The following SND1 variants were observed in gnomAD, a reference collection of about 807,000 sequenced individuals.
SND1 encodes staphylococcal nuclease domain-containing protein 1.
In SND1, 38 loss-of-function variants were observed where a neutral mutation model predicts 121.7. That is an observed-to-expected ratio of 0.31 (90% CI 0.24 to 0.41). SND1 has a LOEUF of 0.41. SND1 is among the 10% of genes least tolerant of loss of function. SND1 has a pLI of 1.00. For synonymous variants in SND1, 401 were observed against 447.4 expected, an observed-to-expected ratio of 0.90 and a Z score of 1.31; for missense variants, 868 against 1,184.6, an observed-to-expected ratio of 0.73 and a Z score of 3.92.
At chr7:127,768,876 G>A (rs986010981) in intron 10 of SND1, among the ~76,000 whole-genome samples, 1 of 152,168 alleles carries the variant, frequency 6.6e-6, no homozygotes, top group African/African-American at 2.4e-5. Flanking sequence ...ACAGTTTATA[G>A]TCAAGTCCTT....
intron 10 of SND1, among the ~76,000 whole-genome samples, chr7:127,791,414 A>G (rs923749065): frequency 2.0e-5 from 3 of 152,110 alleles, no homozygotes; most frequent in Non-Finnish European, 4.4e-5. Context: ...TGGCTGCCCA[A>G]ACTGCTGGGA....
intron 10 of SND1, among the ~76,000 whole-genome samples, chr7:127,787,437 A>G (rs1488094306): frequency 6.6e-6 from 1 of 152,094 alleles, no homozygotes; most frequent in African/African-American, 2.4e-5. Flanking sequence ...AGGTCTCACT[A>G]TGTTGCCCAG....
intron 11 of SND1, among the ~76,000 whole-genome samples, chr7:127,825,748 A>AT (rs1283920477): frequency 8.5e-5 from 13 of 152,184 alleles, no homozygotes; most frequent in Middle Eastern, 3.4e-3. Flanking sequence ...TCTCTTCTGT[A>AT]TTTTTTTCTG....
intron 10 of SND1, among the ~76,000 whole-genome samples, chr7:127,788,903 G>GGA (rs1489973672): frequency 6.6e-6 from 1 of 152,148 alleles, no homozygotes; most frequent in Non-Finnish European, 1.5e-5. Flanking sequence ...AAGCATATCT[G>GGA]ACCTTTTCAA....
At chr7:127,682,594 C>G (rs1226589075) in intron 1 of SND1, among the ~76,000 whole-genome samples, 1 of 152,184 alleles carries the variant, frequency 6.6e-6, no homozygotes. Flanking sequence ...TTACTGCATC[C>G]ATGAAAGTTT....
intron 10 of SND1, among the ~76,000 whole-genome samples, chr7:127,806,954 G>A (rs1798249676): frequency 6.6e-6 from 1 of 151,990 alleles, no homozygotes. Flanking sequence ...GCAAGACTCT[G>A]TCTGAAAAAA....
chr7:127,752,857 A>G (rs1471271243), intron 10 of SND1, among the ~76,000 whole-genome samples: 1 of 152,230 alleles, frequency 6.6e-6, no homozygotes, highest in African/African-American at 2.4e-5. Flanking sequence ...TTCAGCTTAT[A>G]GGCTGCACAG....
intron 15 of SND1, among the ~76,000 whole-genome samples, chr7:127,975,776 A>C (rs1042492078): frequency 5.9e-5 from 9 of 151,994 alleles, no homozygotes; most frequent in Non-Finnish European, 1.3e-4. Context: ...CTGGCATGAG[A>C]CTTTCTTCTG....
At chr7:128,007,416 C>A (rs1803007831) in intron 16 of SND1, among the ~76,000 whole-genome samples, 1 of 152,198 alleles carries the variant, frequency 6.6e-6, no homozygotes, top group Admixed American at 6.5e-5. Flanking sequence ...AGTGGCTCGG[C>A]TCCTAGTATT....
chr7:127,948,384 T>C (rs1265978747), intron 15 of SND1, among the ~76,000 whole-genome samples: 1 of 152,246 alleles, frequency 6.6e-6, no homozygotes, highest in East Asian at 1.9e-4. Flanking sequence ...TGCCCCTTAC[T>C]ATCTTACATT....
At chr7:127,810,775 T>C (rs1357272602) in intron 11 of SND1, among the ~76,000 whole-genome samples, 3 of 152,236 alleles carry the variant, frequency 2.0e-5, no homozygotes, top group African/African-American at 7.2e-5. Context: ...TTATAAAATA[T>C]CTAAAGTTGA....
intron 15 of SND1, among the ~76,000 whole-genome samples, chr7:127,945,215 G>GT (rs1338852251): frequency 1.3e-5 from 2 of 152,242 alleles, no homozygotes; most frequent in African/African-American, 2.4e-5. Flanking sequence ...TAGAAAGGCT[G>GT]TGCGTGGTGG....
chr7:128,061,048 G>A (rs568568369), intron 16 of SND1, among the ~76,000 whole-genome samples: 2 of 152,298 alleles, frequency 1.3e-5, no homozygotes, highest in East Asian at 3.9e-4. Flanking sequence ...GGCCCCACTG[G>A]GGGGTCACAA....
At chr7:127,944,217 G>T (rs778655975) in intron 15 of SND1, among the ~76,000 whole-genome samples, 9 of 152,322 alleles carry the variant, frequency 5.9e-5, no homozygotes, top group Middle Eastern at 3.4e-3. Context: ...TGCAGCCAGC[G>T]TGTCTCTAAC....
At chr7:127,811,021 T>TCGTCA (rs1798326457) in intron 11 of SND1, among the ~76,000 whole-genome samples, 1 of 152,184 alleles carries the variant, frequency 6.6e-6, no homozygotes, top group Non-Finnish European at 1.5e-5. Context: ...AACTGTTCTA[T>TCGTCA]CATCAGAGAC....
At chr7:128,048,822 C>A (rs1792997787) in intron 16 of SND1, among the ~76,000 whole-genome samples, 1 of 152,152 alleles carries the variant, frequency 6.6e-6, no homozygotes, top group South Asian at 2.1e-4. Flanking sequence ...ATAAAATATT[C>A]ATCACTCCCC....
At chr7:127,968,676 G>GA (rs1281468962) in intron 15 of SND1, among the ~76,000 whole-genome samples, 1 of 152,164 alleles carries the variant, frequency 6.6e-6, no homozygotes, top group African/African-American at 2.4e-5. Context: ...CTTGTTGGAG[G>GA]AAAGAGCACA....
intron 10 of SND1, among the ~76,000 whole-genome samples, chr7:127,762,567 G>A (rs1001159603): frequency 3.3e-5 from 5 of 152,154 alleles, no homozygotes; most frequent in African/African-American, 1.2e-4. Context: ...TTAGGGTTAG[G>A]TCTTCAACAT....
intron 10 of SND1, among the ~76,000 whole-genome samples, chr7:127,801,063 G>A: frequency 6.6e-6 from 1 of 152,202 alleles, no homozygotes; most frequent in East Asian, 1.9e-4. Context: ...TAATATGGAT[G>A]TTGTTATACT....
Sources: allele counts gnomAD v4.1 joint callset (sites outside exome capture counted in the v4.1 genomes callset), GRCh38; gene constraint gnomAD v4.1.1; transcripts MANE v1.5; gene names NCBI Gene and HGNC (gene_info 2026-07-23, HGNC 2026-07-21).